FOXP2: variants seen among roughly 807,000 people sequenced by gnomAD.
The protein encoded by FOXP2 is forkhead box P2.
In FOXP2, 12 loss-of-function variants were observed where a neutral mutation model predicts 115.8. The ratio of observed to expected loss-of-function variants is 0.10; its 90% confidence interval spans 0.07 to 0.17. FOXP2 has a LOEUF of 0.17. Among genes scored for constraint, FOXP2 ranks in the 10% least tolerant of loss-of-function variants. FOXP2 has a pLI of 1.00. For synonymous variants in FOXP2, 328 were observed against 297.7 expected (o/e 1.10, Z -1.05); for missense variants, 629 against 843.5 (o/e 0.75, Z 3.15).
intron 2 of FOXP2, among the ~76,000 whole-genome samples, chr7:114,343,487 C>T (rs1455143212): frequency 6.6e-6 from 1 of 151,498 alleles, no homozygotes; most frequent in Admixed American, 6.6e-5. Context: ...GAGTTAGGCT[C>T]ATTGTACTAT....
At chr7:114,121,199 C>T (rs1163906878) in intron 1 of FOXP2, among the ~76,000 whole-genome samples, 1 of 151,798 alleles carries the variant, frequency 6.6e-6, no homozygotes, top group East Asian at 1.9e-4. Context: ...AGATGAGTGC[C>T]CTTAGAAAAA....
At chr7:114,382,818 T>C (rs1009189407) in intron 2 of FOXP2, among the ~76,000 whole-genome samples, 4 of 152,226 alleles carry the variant, frequency 2.6e-5, no homozygotes, top group African/African-American at 7.2e-5. Flanking sequence ...GCTTCCTTAA[T>C]GCCTCCCTTA....
intron 2 of FOXP2, among the ~76,000 whole-genome samples, chr7:114,386,240 A>G (rs1757910311): frequency 6.6e-6 from 1 of 152,232 alleles, no homozygotes; most frequent in African/African-American, 2.4e-5. Context: ...TGCAGTTGCA[A>G]GATTTAATAG....
chr7:114,162,563 T>TA (rs979390428), upstream of FOXP2, among the ~76,000 whole-genome samples: 1 of 151,800 alleles, frequency 6.6e-6, no homozygotes, highest in African/African-American at 2.4e-5. Context: ...CCTAAGACAT[T>TA]AAAAAAAATG....
chr7:114,275,028 T>G (rs2129173832), intron 1 of FOXP2, among the ~76,000 whole-genome samples: 1 of 152,244 alleles, frequency 6.6e-6, no homozygotes, highest in African/African-American at 2.4e-5. Context: ...GATGTAATTC[T>G]TATCTTTTTT....
chr7:114,517,102 T>A (rs1048247999), intron 2 of FOXP2, among the ~76,000 whole-genome samples: 4 of 152,068 alleles, frequency 2.6e-5, no homozygotes, highest in African/African-American at 9.7e-5. Flanking sequence ...TGATGATGAG[T>A]GATGTTGAGC....
intron 3 of FOXP2, among the ~76,000 whole-genome samples, chr7:114,592,639 A>G (rs964217549): frequency 6.6e-6 from 1 of 152,006 alleles, no homozygotes; most frequent in African/African-American, 2.4e-5. Context: ...AATAGTGTGT[A>G]ACTATTTTTA....
At chr7:114,204,863 C>T (rs1210956361) in intron 1 of FOXP2, among the ~76,000 whole-genome samples, 2 of 150,456 alleles carry the variant, frequency 1.3e-5, no homozygotes, top group Admixed American at 1.3e-4. Context: ...AAATAATCCT[C>T]GAAGTATTAT....
intron 1 of FOXP2, among the ~76,000 whole-genome samples, chr7:114,175,847 T>G (rs960714634): frequency 1.3e-5 from 2 of 152,184 alleles, no homozygotes; most frequent in African/African-American, 2.4e-5. Context: ...TTTTGAGATA[T>G]TCTAAACATA....
chr7:114,107,700 A>G (rs1360227321), intron 1 of FOXP2, among the ~76,000 whole-genome samples: 1 of 152,020 alleles, frequency 6.6e-6, no homozygotes, highest in Non-Finnish European at 1.5e-5. Context: ...TAAAAAGCAC[A>G]TGCTTAAAAA....
chr7:114,513,421 TAATTAG>T (rs1798172417), intron 2 of FOXP2, among the ~76,000 whole-genome samples: 1 of 152,118 alleles, frequency 6.6e-6, no homozygotes, highest in African/African-American at 2.4e-5. Context: ...TTTTGACTTA[TAATTAG>T]AATCATTTGG....
At chr7:114,282,786 T>A (rs990274190) in intron 1 of FOXP2, among the ~76,000 whole-genome samples, 3 of 152,182 alleles carry the variant, frequency 2.0e-5, no homozygotes, top group African/African-American at 4.8e-5. Context: ...CATTTAGCCT[T>A]TGCAGAAGTA....
At chr7:114,173,154 A>G (rs1446168386) in intron 1 of FOXP2, among the ~76,000 whole-genome samples, 1 of 151,978 alleles carries the variant, frequency 6.6e-6, no homozygotes, top group Non-Finnish European at 1.5e-5. Context: ...AATATAATTT[A>G]TGCAGTTGTC....
chr7:114,616,580 G>A (rs993692255), intron 3 of FOXP2, among the ~76,000 whole-genome samples: 1 of 151,972 alleles, frequency 6.6e-6, no homozygotes, highest in South Asian at 2.1e-4. Context: ...GAATTTCAGG[G>A]GTATTCATAC....
intron 1 of FOXP2, among the ~76,000 whole-genome samples, chr7:114,149,187 T>G (rs1157263301): frequency 1.3e-5 from 2 of 152,114 alleles, no homozygotes; most frequent in African/African-American, 4.8e-5. Context: ...ACATTTTTCT[T>G]ATTGGAAAAA....
At chr7:114,258,233 A>T (rs1795668334) in intron 1 of FOXP2, among the ~76,000 whole-genome samples, 1 of 152,124 alleles carries the variant, frequency 6.6e-6, no homozygotes, top group Non-Finnish European at 1.5e-5. Context: ...TAATTCAAGA[A>T]GCTGAATTCT....
chr7:114,543,484 T>C (rs1021998402), intron 3 of FOXP2, among the ~76,000 whole-genome samples: 1 of 152,152 alleles, frequency 6.6e-6, no homozygotes, highest in Non-Finnish European at 1.5e-5. Flanking sequence ...CTAATACAAG[T>C]TAACAACTTT....
At chr7:114,104,167 G>T (rs559519752) in intron 1 of FOXP2, among the ~76,000 whole-genome samples, 3 of 151,750 alleles carry the variant, frequency 2.0e-5, no homozygotes, top group African/African-American at 7.2e-5. Context: ...TTTCAGAAGA[G>T]AAGTATTTTT....
chr7:114,434,941 T>C (rs1183056804), intron 2 of FOXP2, among the ~76,000 whole-genome samples: 1 of 152,134 alleles, frequency 6.6e-6, no homozygotes, highest in Non-Finnish European at 1.5e-5. Flanking sequence ...TTCACATGGC[T>C]CATGGAGAAC....
Sources: gnomAD v4.1 joint callset for allele counts (sites outside exome capture counted in the v4.1 genomes callset) on GRCh38, gnomAD v4.1.1 for gene constraint, MANE v1.5 for transcripts, NCBI Gene and HGNC (gene_info 2026-07-23, HGNC 2026-07-21) for gene names.